Variants in SORCS2 observed in about 807,000 individuals in gnomAD.
SORCS2 encodes sortilin related VPS10 domain containing receptor 2.
In SORCS2, 100 loss-of-function variants were observed where a neutral mutation model predicts 141.6. That is an observed-to-expected ratio of 0.71 (90% CI 0.60 to 0.83). SORCS2 has a LOEUF of 0.83. Among genes scored for constraint, SORCS2 ranks in the 40% least tolerant of loss-of-function variants. SORCS2 has a pLI of 0.00. For missense variants in SORCS2, 1,646 were observed against 1,560.2 expected, an observed-to-expected ratio of 1.05 and a Z score of -0.93; for synonymous variants, 789 against 676.9, an observed-to-expected ratio of 1.17 and a Z score of -2.57.
intron 1 of SORCS2, among the ~76,000 whole-genome samples, chr4:7,238,272 G>A (rs1224131520): frequency 1.3e-5 from 2 of 149,340 alleles, no homozygotes; most frequent in African/African-American, 5.1e-5. Context: ...AGAAGAGGCT[G>A]GGGAGGTAGA....
At chr4:7,339,792 C>A (rs1037709414) in intron 1 of SORCS2, among the ~76,000 whole-genome samples, 1 of 152,174 alleles carries the variant, frequency 6.6e-6, no homozygotes, top group Non-Finnish European at 1.5e-5. Context: ...AGAACCAGCT[C>A]AGACGTGTTC....
intron 3 of SORCS2, among the ~76,000 whole-genome samples, chr4:7,546,755 G>A (rs557675594): frequency 6.6e-6 from 1 of 152,300 alleles, no homozygotes; most frequent in Non-Finnish European, 1.5e-5. Flanking sequence ...CAGCTTCCCT[G>A]TTAAGCAAGA....
At chr4:7,698,107 C>T (rs867790475) in intron 12 of SORCS2, among the ~76,000 whole-genome samples, 1 of 152,284 alleles carries the variant, frequency 6.6e-6, no homozygotes, top group African/African-American at 2.4e-5. Flanking sequence ...GAGGGGGCAC[C>T]GCCTCACTGT....
intron 1 of SORCS2, among the ~76,000 whole-genome samples, chr4:7,343,020 A>C (rs1720449244): frequency 6.6e-6 from 1 of 152,094 alleles, no homozygotes; most frequent in African/African-American, 2.4e-5. Flanking sequence ...TGGGAAAGGG[A>C]GGGTGGAAAA....
intron 1 of SORCS2, among the ~76,000 whole-genome samples, chr4:7,309,158 G>A (rs1361787288): frequency 1.3e-5 from 2 of 152,260 alleles, no homozygotes; most frequent in South Asian, 2.1e-4. Context: ...GCGCACGCTG[G>A]CACTTCTGTG....
intron 1 of SORCS2, among the ~76,000 whole-genome samples, chr4:7,206,003 G>A (rs1181515523): frequency 2.0e-5 from 3 of 152,252 alleles, no homozygotes; most frequent in Non-Finnish European, 4.4e-5. Flanking sequence ...CTGAGATCAC[G>A]CCACTGCACT....
chr4:7,379,437 G>T (rs1200313975), intron 1 of SORCS2, among the ~76,000 whole-genome samples: 3 of 152,224 alleles, frequency 2.0e-5, no homozygotes, highest in African/African-American at 7.2e-5. Context: ...GGGCCTTCGG[G>T]AGTGGGGGCG....
At chr4:7,283,783 A>G (rs1716033763) in intron 1 of SORCS2, among the ~76,000 whole-genome samples, 1 of 152,018 alleles carries the variant, frequency 6.6e-6, no homozygotes, top group African/African-American at 2.4e-5. Context: ...TACAGCATCC[A>G]GGTGAGGGGG....
intron 2 of SORCS2, among the ~76,000 whole-genome samples, chr4:7,405,806 T>C (rs1724932759): frequency 6.6e-6 from 1 of 152,146 alleles, no homozygotes; most frequent in Admixed American, 6.5e-5. Context: ...TACTTCCTCT[T>C]TTCCAATTTG....
chr4:7,620,844 C>T (rs955114647), intron 3 of SORCS2, among the ~76,000 whole-genome samples: 1 of 152,188 alleles, frequency 6.6e-6, no homozygotes, highest in African/African-American at 2.4e-5. Flanking sequence ...AGGGCATTGT[C>T]TCCGACCTGG....
At chr4:7,399,378 C>T (rs1236292091) in intron 2 of SORCS2, among the ~76,000 whole-genome samples, 1 of 151,176 alleles carries the variant, frequency 6.6e-6, no homozygotes, top group African/African-American at 2.5e-5. Flanking sequence ...AAGAATCCTT[C>T]TGTGTAATTG....
intron 3 of SORCS2, among the ~76,000 whole-genome samples, chr4:7,587,295 C>T (rs1305439233): frequency 6.6e-6 from 1 of 152,218 alleles, no homozygotes; most frequent in Non-Finnish European, 1.5e-5. Flanking sequence ...CTGGCTGCCA[C>T]TCTGCTCTGC....
intron 1 of SORCS2, among the ~76,000 whole-genome samples, chr4:7,306,600 C>T (rs868136451): frequency 6.6e-6 from 1 of 152,166 alleles, no homozygotes; most frequent in Non-Finnish European, 1.5e-5. Context: ...CACTGAAGGG[C>T]GGTTCCCGTG....
At chr4:7,582,653 TAAAAC>T (rs1474517267) in intron 3 of SORCS2, among the ~76,000 whole-genome samples, 1 of 149,576 alleles carries the variant, frequency 6.7e-6, no homozygotes, top group Non-Finnish European at 1.5e-5. Context: ...AATAAATAAA[TAAAAC>T]AAAAAACAAA....
At chr4:7,400,299 A>G (rs1331518198) in intron 2 of SORCS2, among the ~76,000 whole-genome samples, 1 of 152,134 alleles carries the variant, frequency 6.6e-6, no homozygotes, top group African/African-American at 2.4e-5. Context: ...CCTGGAGTGC[A>G]TGTGGCACCA....
chr4:7,536,058 G>C (rs1399805946), intron 3 of SORCS2, among the ~76,000 whole-genome samples: 1 of 152,248 alleles, frequency 6.6e-6, no homozygotes, highest in Non-Finnish European at 1.5e-5. Flanking sequence ...CCTGTCTGCA[G>C]AGGTGTGGAC....
intron 9 of SORCS2, among the ~76,000 whole-genome samples, chr4:7,680,200 T>G (rs10937851): frequency 0.39 from 59,368 of 152,118 alleles, 11,955 homozygotes; most frequent in African/African-American, 0.46. Context: ...GTGTGCGGCT[T>G]GTCCGAAGTC....
intron 3 of SORCS2, among the ~76,000 whole-genome samples, chr4:7,604,216 C>G (rs1385511345): frequency 6.6e-6 from 1 of 152,154 alleles, no homozygotes; most frequent in Non-Finnish European, 1.5e-5. Flanking sequence ...CCTGGAATCC[C>G]CACGTGTTGA....
rs538319265 is a variant in SORCS2, at chr4:7,586,188, T to C, written c.649-52140T>C. Among the ~76,000 whole-genome samples, 3 of 152,332 alleles carry C rather than the reference T, an allele frequency of 2.0e-5. No homozygotes were observed. The East Asian group carries it at 5.8e-4, about 29-fold the overall frequency. On this transcript the variant is annotated intron_variant, in intron 3 of 26. Transcript: ENST00000507866. ...TGCTCTCATCTTTAGGGCCATTTTTTCCCTCCCATTAATTTGACTGATTTG... is the reference window on the plus strand; with the variant it reads ...TGCTCTCATCTTTAGGGCCATTTTTCCCCTCCCATTAATTTGACTGATTTG...
Sources: allele counts gnomAD v4.1 joint callset (sites outside exome capture counted in the v4.1 genomes callset), GRCh38; gene constraint gnomAD v4.1.1; transcripts MANE v1.5; gene names NCBI Gene and HGNC (gene_info 2026-07-23, HGNC 2026-07-21).